The following TNFRSF10C variants were observed in gnomAD, a reference collection of about 807,000 sequenced individuals.
The protein encoded by TNFRSF10C is TNF receptor superfamily member 10c.
A neutral mutation model predicts 16.7 loss-of-function variants in TNFRSF10C; 17 were observed. The observed-to-expected ratio is 1.02, with a 90% CI of 0.70 to 1.53. TNFRSF10C has a LOEUF of 1.53. TNFRSF10C is among the 40% of genes most tolerant of loss of function. The pLI, the probability that TNFRSF10C is intolerant of heterozygous loss-of-function variation, is 0.00. For synonymous variants in TNFRSF10C, 73 were observed against 119.7 expected (o/e 0.61, Z 2.55); for missense variants, 237 against 329.7 (o/e 0.72, Z 2.18).
Position 23,102,980 on chromosome 8 carries a change from A to G in TNFRSF10C, c.-142A>G, listed in dbSNP as rs1205495389. 2.0e-6 allele frequency: 3 copies of G among 1,530,508 alleles called. No homozygotes were observed. In the African/African-American group the frequency reaches 4.2e-5, roughly 21 times the overall value. 94.8% of individuals were successfully genotyped at this position (1,530,508 alleles called of 1,614,324 possible). ...GAACTCAGCCAACGATTTCTGATAG[A>G]TTTTTGGGAGTTTGACCAGAGATGC... On this transcript the variant is annotated 5_prime_UTR_variant, in exon 1 of 5. Transcript: ENST00000356864.
chr8:23,105,915 A>C (rs913579194), intron 1 of TNFRSF10C, among the ~76,000 whole-genome samples: 12 of 152,206 alleles, frequency 7.9e-5, no homozygotes, highest in African/African-American at 2.7e-4. Flanking sequence ...ATTCAGGGCT[A>C]GAGTTCTCTG....
intron 1 of TNFRSF10C, among the ~76,000 whole-genome samples, chr8:23,107,139 T>C (rs1404946149): frequency 6.6e-6 from 1 of 151,840 alleles, no homozygotes; most frequent in Admixed American, 6.6e-5. Flanking sequence ...GCCCAGGAGT[T>C]CAAGACCAGC....
chr8:23,105,239 A>G (rs1472797437), intron 1 of TNFRSF10C, among the ~76,000 whole-genome samples: 1 of 152,146 alleles, frequency 6.6e-6, no homozygotes, highest in Non-Finnish European at 1.5e-5. Flanking sequence ...TGTAAAGTGA[A>G]GAGGAGGTAA....
Position 23,117,399 on chromosome 8 carries a change from A to C in TNFRSF10C, c.*368A>C, listed in dbSNP as rs1226071350. On this transcript the variant is annotated 3_prime_UTR_variant, in exon 5 of 5. Coordinates refer to ENST00000356864, the MANE Select transcript of TNFRSF10C (RefSeq NM_003841.5). Reference sequence around the variant, plus strand: ...CTGGGTGACAAGGGTGAGGATGAGAAGTGGTCACGGGATTTATTCAGCCTT... The same window carrying C: ...CTGGGTGACAAGGGTGAGGATGAGACGTGGTCACGGGATTTATTCAGCCTT... 2 of 357,342 alleles carry C rather than the reference A, an allele frequency of 5.6e-6. No homozygotes were observed. Among genetic ancestry groups the C allele is most frequent in the Admixed American group, 8.9e-5 (2 of 22,552 alleles). 22.1% of individuals were successfully genotyped at this position (357,342 alleles called of 1,614,324 possible).
chr8:23,114,378 A>G lies in TNFRSF10C; in HGVS notation c.167-279A>G, dbSNP rs896446002. On this transcript the variant is annotated intron_variant, in intron 2 of 4. Transcript: ENST00000356864. Reference sequence around the variant, plus strand: ...ATTTCAGATATTTTAGGTTAAAACTATATTGTTAAAATTAATTTGGCCTCA... The same window carrying G: ...ATTTCAGATATTTTAGGTTAAAACTGTATTGTTAAAATTAATTTGGCCTCA... 7.4e-5 allele frequency: 24 copies of G among 324,212 alleles called. No individual in the cohort carries two copies. The East Asian group carries it at 1.4e-3, about 19-fold the overall frequency. The allele number at this position is 324,212 out of a possible 1,614,324, so 20.1% of individuals were successfully genotyped here.
chr8:23,116,083 G>A (rs372064868), intron 4 of TNFRSF10C, among the ~76,000 whole-genome samples: 203 of 152,280 alleles, frequency 1.3e-3, no homozygotes, highest in African/African-American at 4.4e-3. Context: ...TCATAAGAAG[G>A]CTGTGGGTGG....
rs538748280 is a variant in TNFRSF10C at position 23,103,316 on chromosome 8, C to T, written c.60+135C>T. ...GCATGTCCGGGCAGGACGAACTCGCCGTCGGAGTCAGGGGAAGAACTGGGT... is the reference window on the plus strand; with the variant it reads ...GCATGTCCGGGCAGGACGAACTCGCTGTCGGAGTCAGGGGAAGAACTGGGT... On this transcript the variant is annotated intron_variant, in intron 1 of 4. Coordinates refer to ENST00000356864, the MANE Select transcript of TNFRSF10C (RefSeq NM_003841.5). 2.9e-4 allele frequency: 430 copies of T among 1,468,618 alleles called. 6 individuals are homozygous for T. The South Asian group carries it at 3.5e-3, about 12-fold the overall frequency. 91.0% of individuals were successfully genotyped at this position (1,468,618 alleles called of 1,614,324 possible).
rs1813885861 is a variant in TNFRSF10C, at chr8:23,111,837, T to G, written c.166+12T>G. 6.2e-7 allele frequency: 1 copy of G among 1,609,998 alleles called. No homozygotes were observed. Among genetic ancestry groups the G allele is most frequent in the Non-Finnish European group, 8.5e-7 (1 of 1,176,632 alleles). Reference sequence around the variant, plus strand: ...GGAGTGTCCAGCAGGTGCACTCTTATTTTTAAAAATCAGTTTATTTTTAAT... The same window carrying G: ...GGAGTGTCCAGCAGGTGCACTCTTAGTTTTAAAAATCAGTTTATTTTTAAT... On this transcript the variant is annotated intron_variant, in intron 2 of 4. Coordinates refer to ENST00000356864, the MANE Select transcript of TNFRSF10C (RefSeq NM_003841.5).
intron 1 of TNFRSF10C, among the ~76,000 whole-genome samples, chr8:23,108,055 C>T (rs895705891): frequency 6.6e-6 from 1 of 152,110 alleles, no homozygotes; most frequent in African/African-American, 2.4e-5. Context: ...TTCAGCTCTT[C>T]GCCTCCTGAG....
chr8:23,114,562 A>T, intron 2 of TNFRSF10C, 95 bp from the exon 3 acceptor site: 1 of 979,972 alleles, frequency 1.0e-6, no homozygotes, highest in Non-Finnish European at 1.6e-6. Flanking sequence ...CTCTGTCTCA[A>T]TTCCAGTGAG....
At chr8:23,107,136 A>AGG (rs1342830232) in intron 1 of TNFRSF10C, among the ~76,000 whole-genome samples, 1 of 152,196 alleles carries the variant, frequency 6.6e-6, no homozygotes, top group Non-Finnish European at 1.5e-5. Context: ...TGAGCCCAGG[A>AGG]GTTCAAGACC....
intron 3 of TNFRSF10C, 142 bp downstream of exon 3, chr8:23,114,912 T>TA (rs571588821): frequency 1.8e-5 from 12 of 658,458 alleles, no homozygotes; most frequent in African/African-American, 7.4e-5. Flanking sequence ...TTTGACTGAT[T>TA]AAAAAAATAG....
In TNFRSF10C at chr8:23,116,678, T is replaced by A; in HGVS notation, c.427T>A (p.Ser143Thr). 6.2e-7 allele frequency: 1 copy of A among 1,614,238 alleles called. No individual in the cohort carries two copies. Among genetic ancestry groups the A allele is most frequent in the Non-Finnish European group, 8.5e-7 (1 of 1,180,048 alleles). The change falls in exon 5 of 5, where the codon TCC becomes ACC. Residue 143 changes from serine (S) to threonine (T), a missense_variant. Around this residue, in one of 2 missense-constraint regions of TNFRSF10C, gnomAD observed 212 missense variants for 196.8 expected, o/e 1.08. Coordinates refer to ENST00000356864, the MANE Select transcript of TNFRSF10C (RefSeq NM_003841.5). ...SGEVQVSNCT[S>T]WDDIQCVEEF... ...GGAAGTCCAAGTCAGTAATTGTACG[T>A]CCTGGGATGATATCCAGTGTGTTGA... is the stretch of plus-strand genomic sequence containing the variant.
chr8:23,110,336 A>G lies in TNFRSF10C; in HGVS notation c.61-1384A>G, dbSNP rs535511451. Among the ~76,000 whole-genome samples the G allele has an allele frequency of 1.6e-3, 238 of 152,322 alleles. 1 individual carries two copies. Among genetic ancestry groups the G allele is most frequent in the African/African-American group, 5.4e-3 (225 of 41,572 alleles). ...CATTTTGTCTTGTTTAGATCCAGGC[A>G]GTTGAACTGAGCCCAACATAAGCAG... On this transcript the variant is annotated intron_variant, in intron 1 of 4. Coordinates refer to ENST00000356864, the MANE Select transcript of TNFRSF10C (RefSeq NM_003841.5).
At chr8:23,111,602 G>GA in intron 1 of TNFRSF10C, 118 bp from the exon 2 acceptor site, 1 of 803,208 alleles carries the variant, frequency 1.2e-6, no homozygotes, top group Admixed American at 2.2e-5. Flanking sequence ...TTTGGAGCTG[G>GA]AAAAAATGTC....
At chr8:23,103,231 G>A in intron 1 of TNFRSF10C, 50 bp downstream of exon 1, 1 of 1,586,930 alleles carries the variant, frequency 6.3e-7, no homozygotes, top group Non-Finnish European at 8.6e-7. Context: ...CCTGGCGCCG[G>A]GAGGGGGCAG....
At chr8:23,112,879 T>A (rs1813906284) in intron 2 of TNFRSF10C, among the ~76,000 whole-genome samples, 1 of 152,200 alleles carries the variant, frequency 6.6e-6, no homozygotes, top group Non-Finnish European at 1.5e-5. Context: ...TTTTTGTTTT[T>A]TGAGGAACCT....
chr8:23,115,332 T>C (rs1813959592), intron 3 of TNFRSF10C, among the ~76,000 whole-genome samples, 176 bp from the exon 4 acceptor site: 1 of 151,870 alleles, frequency 6.6e-6, no homozygotes, highest in African/African-American at 2.4e-5. Flanking sequence ...CTCTGAGTGC[T>C]GGTGACAGCT....
At chr8:23,107,613 G>C (rs1406539908) in intron 1 of TNFRSF10C, among the ~76,000 whole-genome samples, 2 of 152,160 alleles carry the variant, frequency 1.3e-5, no homozygotes, top group Non-Finnish European at 2.9e-5. Context: ...TGCATAAAAA[G>C]TCAGTTTATC....
Sources: gnomAD v4.1 joint callset for allele counts (sites outside exome capture counted in the v4.1 genomes callset) on GRCh38, gnomAD v4.1.1 for gene constraint, gnomAD v4.1.1 regional missense constraint, MANE v1.5 for transcripts, NCBI Gene and HGNC (gene_info 2026-07-23, HGNC 2026-07-21) for gene names.